ROBO2: variants seen among roughly 807,000 people sequenced by gnomAD.
ROBO2 encodes the protein roundabout guidance receptor 2.
ROBO2 carries 53 observed loss-of-function variants against 160.8 expected under a neutral mutation model. The observed-to-expected ratio is 0.33, with a 90% CI of 0.26 to 0.41. The LOEUF (loss-of-function observed/expected upper bound fraction) is 0.41. ROBO2 is among the 10% of genes least tolerant of loss of function. The pLI is 1.00. For synonymous variants in ROBO2, 664 were observed against 611.7 expected (o/e 1.09, Z -1.26); for missense variants, 1,577 against 1,722.4 (o/e 0.92, Z 1.49).
intron 2 of ROBO2, among the ~76,000 whole-genome samples, chr3:76,398,875 A>G (rs925338784): frequency 6.6e-6 from 1 of 151,798 alleles, no homozygotes; most frequent in Non-Finnish European, 1.5e-5. Flanking sequence ...GCAACTGAGT[A>G]TGAAGATGGA....
chr3:76,199,425 A>G (rs976943127), intron 2 of ROBO2, among the ~76,000 whole-genome samples: 10 of 152,110 alleles, frequency 6.6e-5, no homozygotes, highest in Non-Finnish European at 1.5e-5. Flanking sequence ...TCTCCCCTAG[A>G]GCTTCCAGAA....
chr3:76,454,919 G>A (rs184936513), intron 2 of ROBO2, among the ~76,000 whole-genome samples: 7 of 152,158 alleles, frequency 4.6e-5, no homozygotes, highest in Admixed American at 3.9e-4. Flanking sequence ...AAACAACCTT[G>A]ATGTAACCTT....
intron 2 of ROBO2, among the ~76,000 whole-genome samples, chr3:76,778,382 G>T: frequency 6.6e-6 from 1 of 151,154 alleles, no homozygotes; most frequent in East Asian, 2.0e-4. Context: ...ATGTGTTTTA[G>T]TTCTGGATCA....
intron 2 of ROBO2, among the ~76,000 whole-genome samples, chr3:76,931,646 C>T (rs2077351865): frequency 6.6e-6 from 1 of 151,790 alleles, no homozygotes; most frequent in Non-Finnish European, 1.5e-5. Context: ...TAAGTATCTT[C>T]GTCAGTCTAG....
intron 2 of ROBO2, among the ~76,000 whole-genome samples, chr3:76,337,980 CTTG>C (rs917415813): frequency 1.3e-5 from 2 of 152,072 alleles, no homozygotes; most frequent in African/African-American, 2.4e-5. Flanking sequence ...GAAGACTGAA[CTTG>C]TTGTTCTGTG....
At chr3:76,131,518 C>T (rs2071220237) in intron 2 of ROBO2, among the ~76,000 whole-genome samples, 2 of 152,174 alleles carry the variant, frequency 1.3e-5, no homozygotes, top group South Asian at 2.1e-4. Flanking sequence ...TCTCACAGAG[C>T]AAGAGGCTGA....
chr3:77,285,560 G>T (rs994178887), intron 2 of ROBO2, among the ~76,000 whole-genome samples: 3 of 152,042 alleles, frequency 2.0e-5, no homozygotes, highest in African/African-American at 7.2e-5. Flanking sequence ...CAGAAATGAC[G>T]TTTTATTTTT....
chr3:77,273,039 G>A (rs541034276), intron 2 of ROBO2, among the ~76,000 whole-genome samples: 12 of 152,160 alleles, frequency 7.9e-5, no homozygotes, highest in African/African-American at 2.7e-4. Flanking sequence ...ATGAAGTTTG[G>A]GTATGAATGA....
intron 2 of ROBO2, among the ~76,000 whole-genome samples, chr3:76,503,197 G>C (rs1186383466): frequency 6.6e-6 from 1 of 152,118 alleles, no homozygotes; most frequent in African/African-American, 2.4e-5. Context: ...ATGGGAGAAA[G>C]ATGTAGGCTG....
At chr3:76,791,265 T>C (rs2063332486) in intron 2 of ROBO2, among the ~76,000 whole-genome samples, 2 of 151,716 alleles carry the variant, frequency 1.3e-5, no homozygotes, top group African/African-American at 4.8e-5. Flanking sequence ...ATAAGCTGTC[T>C]TGATTTTACA....
At chr3:77,142,273 G>T (rs115128832) in intron 2 of ROBO2, among the ~76,000 whole-genome samples, 1,995 of 152,194 alleles carry the variant, frequency 0.013, 66 homozygotes, top group African/African-American at 0.045. Context: ...ATATTCTTCT[G>T]TATTTGATAA....
intron 2 of ROBO2, among the ~76,000 whole-genome samples, chr3:76,346,568 A>C (rs1038963187): frequency 2.0e-5 from 3 of 152,182 alleles, no homozygotes; most frequent in Non-Finnish European, 4.4e-5. Context: ...TATAGCAGTT[A>C]GAAATGTGGG....
chr3:76,203,474 C>G (rs1702639764), intron 2 of ROBO2, among the ~76,000 whole-genome samples: 1 of 146,690 alleles, frequency 6.8e-6, no homozygotes, highest in Non-Finnish European at 1.5e-5. Context: ...GTCGGTTTCC[C>G]TGGTCAACAG....
chr3:76,108,976 G>A (rs548246525), intron 2 of ROBO2, among the ~76,000 whole-genome samples: 36 of 151,440 alleles, frequency 2.4e-4, no homozygotes, highest in Non-Finnish European at 4.1e-4. Flanking sequence ...TTTATTACAC[G>A]TATATGCTAA....
intron 1 of ROBO2, among the ~76,000 whole-genome samples, chr3:77,075,711 T>C (rs369567958): frequency 1.7e-4 from 23 of 135,338 alleles, no homozygotes; most frequent in African/African-American, 5.9e-4. Context: ...GGAGTCTTGC[T>C]CGTGTCACCC....
At chr3:76,819,907 G>C (rs1423668213) in intron 2 of ROBO2, among the ~76,000 whole-genome samples, 1 of 151,992 alleles carries the variant, frequency 6.6e-6, no homozygotes, top group Non-Finnish European at 1.5e-5. Flanking sequence ...GATAAATACT[G>C]GTTTGGGTTC....
chr3:75,955,684 G>T (rs1468767650), intron 2 of ROBO2, among the ~76,000 whole-genome samples: 1 of 151,600 alleles, frequency 6.6e-6, no homozygotes, highest in Non-Finnish European at 1.5e-5. Flanking sequence ...CTCAAAGTGT[G>T]CTCTATACAC....
At position 77,574,486 on chromosome 3, in the gene ROBO2, C is replaced by G; in HGVS notation, c.1972-13C>G. On this transcript the variant is annotated splice_polypyrimidine_tract_variant and intron_variant, in intron 13 of 25. Coordinates refer to ENST00000461745, the Ensembl canonical transcript of ROBO2. ...TTCCTTTAGTTTCAAATGCCCTTAA[C>G]TATGTTTTTCAGGTTGATCGCCAAC... is the stretch of plus-strand genomic sequence containing the variant. 1 of 1,607,882 alleles carries G rather than the reference C, an allele frequency of 6.2e-7. No individual in the cohort carries two copies.
At chr3:77,628,412 C>G (rs1158094880) in intron 23 of ROBO2, among the ~76,000 whole-genome samples, 1 of 146,654 alleles carries the variant, frequency 6.8e-6, no homozygotes, top group African/African-American at 2.6e-5. Flanking sequence ...TATTTTCATT[C>G]ATTCATTATC....
Sources: allele counts gnomAD v4.1 joint callset (sites outside exome capture counted in the v4.1 genomes callset), GRCh38; gene constraint gnomAD v4.1.1; transcripts MANE v1.5; gene names NCBI Gene and HGNC (gene_info 2026-07-23, HGNC 2026-07-21).